ACACB: variants seen among roughly 807,000 people sequenced by gnomAD.
ACACB encodes acetyl-CoA carboxylase beta.
A neutral mutation model predicts 278.8 loss-of-function variants in ACACB; 209 were observed. The ratio of observed to expected loss-of-function variants is 0.75; its 90% CI spans 0.67 to 0.84. ACACB has a LOEUF of 0.84. Ranked by LOEUF, ACACB falls within the 40% of genes least tolerant of loss-of-function variation. The pLI is 0.00. For synonymous variants in ACACB, 1,174 were observed against 1,285.6 expected, an observed-to-expected ratio of 0.91 and a Z score of 1.86; for missense variants, 2,850 against 3,269.0, an observed-to-expected ratio of 0.87 and a Z score of 3.13.
At chr12:109,178,995 C>G in intron 9 of ACACB, 93 bp from the exon 10 acceptor site, 1 of 1,191,030 alleles carries the variant, frequency 8.4e-7, no homozygotes, top group Admixed American at 2.0e-5. Flanking sequence ...AAACACATCA[C>G]TGCGTTTGTT....
intron 2 of ACACB, among the ~76,000 whole-genome samples, chr12:109,147,433 C>G (rs553827015): frequency 7.1e-6 from 1 of 141,410 alleles, no homozygotes; most frequent in African/African-American, 2.6e-5. Flanking sequence ...TTAGTAGACA[C>G]TGGGTTTCAC....
intron 24 of ACACB, among the ~76,000 whole-genome samples, chr12:109,217,986 A>T (rs1455939039): frequency 2.0e-5 from 3 of 152,246 alleles, no homozygotes; most frequent in Non-Finnish European, 4.4e-5. Context: ...TACTGCTGTC[A>T]CAGCTCTTTG....
chr12:109,254,848 T>A (rs1295569013), intron 44 of ACACB, among the ~76,000 whole-genome samples: 1 of 151,928 alleles, frequency 6.6e-6, no homozygotes, highest in African/African-American at 2.4e-5. Context: ...GATCTTGGCT[T>A]ACTGCAATCT....
chr12:109,180,134 G>A, intron 11 of ACACB, 47 bp downstream of exon 11: 6 of 1,588,062 alleles, frequency 3.8e-6, no homozygotes, highest in Non-Finnish European at 5.2e-6. Flanking sequence ...CCCTGGGTCA[G>A]GGGTCCATGT....
chr12:109,139,114 T>C (rs2043037583), intron 1 of ACACB, among the ~76,000 whole-genome samples: 1 of 152,220 alleles, frequency 6.6e-6, no homozygotes, highest in Non-Finnish European at 1.5e-5. Context: ...ACACTTCATA[T>C]ACTTGGAATC....
chr12:109,257,148 C>T (rs992938866), intron 45 of ACACB, among the ~76,000 whole-genome samples: 2 of 152,076 alleles, frequency 1.3e-5, no homozygotes, highest in Non-Finnish European at 2.9e-5. Flanking sequence ...GTGGCAGGCA[C>T]CTGTAATCCC....
At chr12:109,185,474 C>A in intron 11 of ACACB, 105 bp from the exon 12 acceptor site, 2 of 1,267,582 alleles carry the variant, frequency 1.6e-6, no homozygotes, top group South Asian at 1.3e-5. Flanking sequence ...TCTGTATATC[C>A]TAAATCATTG....
chr12:109,160,062 C>T (rs1180434362), intron 2 of ACACB, among the ~76,000 whole-genome samples: 1 of 150,916 alleles, frequency 6.6e-6, no homozygotes, highest in Non-Finnish European at 1.5e-5. Context: ...TTCACTCCAG[C>T]CTGGGTGACA....
At chr12:109,218,901 G>A (rs1363973354) in intron 24 of ACACB, among the ~76,000 whole-genome samples, 1 of 151,880 alleles carries the variant, frequency 6.6e-6, no homozygotes, top group Non-Finnish European at 1.5e-5. Flanking sequence ...CGTTTAGCTG[G>A]GATTACAGGC....
At chr12:109,150,707 G>C (rs1401194374) in intron 2 of ACACB, among the ~76,000 whole-genome samples, 3 of 152,172 alleles carry the variant, frequency 2.0e-5, no homozygotes, top group African/African-American at 7.2e-5. Context: ...AGACTGGGTG[G>C]GCTTGCAGTG....
chr12:109,210,400 T>C (rs1227897438), intron 21 of ACACB, among the ~76,000 whole-genome samples: 2 of 144,568 alleles, frequency 1.4e-5, no homozygotes, highest in African/African-American at 2.6e-5. Flanking sequence ...TATATGTATA[T>C]ACACGCACAC....
At position 109,145,392 on chromosome 12, in the gene ACACB, G is replaced by A. The variant is rs141165751; in HGVS notation, c.653+5334G>A. ...CCAGTGGTGAAGCCTGGGCTTTTACGAGCCATTGCTTGCATAGTGTACATT... is the reference window on the plus strand; with the variant it reads ...CCAGTGGTGAAGCCTGGGCTTTTACAAGCCATTGCTTGCATAGTGTACATT... On this transcript the variant is annotated intron_variant, in intron 2 of 52. Coordinates refer to ENST00000338432, the MANE Select transcript of ACACB (RefSeq NM_001093.4). 1.6e-4 allele frequency among the ~76,000 whole-genome samples: 24 copies of A among 152,222 alleles called. No homozygotes were observed. In the East Asian group the frequency reaches 4.1e-3, roughly 26 times the overall value.
chr12:109,238,088 A>G (rs964881177), intron 34 of ACACB, among the ~76,000 whole-genome samples: 1 of 150,984 alleles, frequency 6.6e-6, no homozygotes, highest in Non-Finnish European at 1.5e-5. Context: ...AAGACTGAAA[A>G]CGATTTTTAA....
intron 2 of ACACB, among the ~76,000 whole-genome samples, chr12:109,161,115 A>G (rs1055902717): frequency 6.6e-6 from 1 of 152,198 alleles, no homozygotes; most frequent in Non-Finnish European, 1.5e-5. Context: ...AGAGTTCTCA[A>G]GGAACTAAAA....
intron 12 of ACACB, among the ~76,000 whole-genome samples, chr12:109,186,527 T>C (rs1404087348): frequency 1.3e-5 from 2 of 152,134 alleles, no homozygotes; most frequent in Non-Finnish European, 2.9e-5. Flanking sequence ...GAGAGTCCCT[T>C]TGTGACTTGG....
intron 13 of ACACB, among the ~76,000 whole-genome samples, chr12:109,190,981 C>G (rs2044856143): frequency 6.6e-6 from 1 of 152,144 alleles, no homozygotes; most frequent in African/African-American, 2.4e-5. Context: ...ACAATAATAA[C>G]TAATCACGTT....
rs1046827437 is a variant in ACACB, at chr12:109,223,676, C to T, written c.3793-139C>T. 2.2e-4 allele frequency: 167 copies of T among 749,614 alleles called. 2 individuals carry two copies. The highest frequency in any genetic ancestry group is 6.2e-4 in the South Asian group (40 of 64,298). The allele number at this position is 749,614 out of a possible 1,614,324, so 46.4% of individuals were successfully genotyped here. On this transcript the variant is annotated intron_variant, in intron 26 of 52. Coordinates refer to ENST00000338432, the MANE Select transcript of ACACB (RefSeq NM_001093.4). ...GCTCAAGAGGTTGAGGTGGGGAGATCGCTTCAGCCTGGGAGTTTGAGGCTG... is the reference window on the plus strand; with the variant it reads ...GCTCAAGAGGTTGAGGTGGGGAGATTGCTTCAGCCTGGGAGTTTGAGGCTG...
At chr12:109,113,343 A>ATGGT (rs1212815146), upstream of ACACB, 12 of 152,372 alleles carry the variant, frequency 7.9e-5, no homozygotes, top group African/African-American at 2.9e-4. Flanking sequence ...GTGGAGCTGG[A>ATGGT]TGGTTCCACG....
At chr12:109,143,639 G>A (rs576531273) in intron 2 of ACACB, among the ~76,000 whole-genome samples, 5 of 152,218 alleles carry the variant, frequency 3.3e-5, no homozygotes, top group African/African-American at 1.2e-4. Context: ...GGTTCTGCTG[G>A]CACCTCCTGA....
Sources: allele counts gnomAD v4.1 joint callset (sites outside exome capture counted in the v4.1 genomes callset), GRCh38; gene constraint gnomAD v4.1.1; transcripts MANE v1.5; gene names NCBI Gene and HGNC (gene_info 2026-07-23, HGNC 2026-07-21).